The following CMTR1 variants were observed in gnomAD, a reference collection of about 807,000 sequenced individuals.
CMTR1 encodes cap-specific mRNA (nucleoside-2'-O-)-methyltransferase 1.
CMTR1 carries 39 observed loss-of-function variants against 107.0 expected under a neutral mutation model. That is an observed-to-expected ratio of 0.36 (90% CI 0.28 to 0.48). CMTR1 has a LOEUF of 0.48. Among genes scored for constraint, CMTR1 ranks in the 20% least tolerant of loss-of-function variants. The probability of loss-of-function intolerance (pLI) is 0.99; values close to 1 mark genes in which losing one functional copy is unlikely to be tolerated. For synonymous variants in CMTR1, 366 were observed against 379.5 expected, an observed-to-expected ratio of 0.96 and a Z score of 0.41; for missense variants, 672 against 1,064.9, an observed-to-expected ratio of 0.63 and a Z score of 5.14.
chr6:37,473,400 C>A, intron 16 of CMTR1, 70 bp from the exon 17 acceptor site: 1 of 1,547,372 alleles, frequency 6.5e-7, no homozygotes, highest in Non-Finnish European at 8.7e-7. Context: ...AGCCTGCCCC[C>A]AGCCCAGATA....
chr6:37,471,564 C>T (rs903409851), intron 14 of CMTR1, among the ~76,000 whole-genome samples: 1 of 152,096 alleles, frequency 6.6e-6, no homozygotes, highest in Admixed American at 6.5e-5. Flanking sequence ...AAAAGGGTGT[C>T]GGGGAGGACC....
chr6:37,441,436 CAG>C (rs1224297506), intron 2 of CMTR1, among the ~76,000 whole-genome samples: 2 of 150,600 alleles, frequency 1.3e-5, no homozygotes, highest in African/African-American at 4.9e-5. Context: ...TTTTTTGAGA[CAG>C]AGTTTAGCTC....
chr6:37,432,391 A>G (rs1201021527), upstream of CMTR1, among the ~76,000 whole-genome samples: 1 of 152,226 alleles, frequency 6.6e-6, no homozygotes, highest in South Asian at 2.1e-4. Context: ...TGAAGAACGC[A>G]TTAGAGGGAT....
upstream of CMTR1, among the ~76,000 whole-genome samples, chr6:37,432,155 AT>A (rs1771395659): frequency 6.6e-6 from 1 of 152,156 alleles, no homozygotes; most frequent in African/African-American, 2.4e-5. Context: ...AAGAGTCAGC[AT>A]GGGGAGAACT....
rs1277023402 is a variant in CMTR1 at position 37,462,987 on chromosome 6, A to G, written c.1484A>G (p.Tyr495Cys). 3.1e-6 allele frequency: 5 copies of G among 1,614,136 alleles called. No homozygotes were observed. The highest frequency in any genetic ancestry group is 4.2e-6 in the Non-Finnish European group (5 of 1,180,026). The change falls in exon 13 of 24, where the codon TAC becomes TGC. Residue 495 changes from tyrosine to cysteine, a missense_variant. Tyr to Cys is a radical substitution (Grantham distance 194, BLOSUM62 -2). Coordinates refer to ENST00000373451, the MANE Select transcript of CMTR1 (RefSeq NM_015050.3). ...VIKGDHEFTD[Y>C]MIRSNESHCS... ...AAGGGAGACCATGAATTTACTGACT[A>G]CATGATACGGTCCAATGAGAGGTAA... is the stretch of plus-strand genomic sequence containing the variant.
chr6:37,476,099 C>G (rs555377404), intron 19 of CMTR1, 27 bp from the exon 20 acceptor site: 2 of 1,613,350 alleles, frequency 1.2e-6, no homozygotes, highest in Admixed American at 1.7e-5. Flanking sequence ...CTTGGCTTGC[C>G]TCTCAGAGAG....
intron 19 of CMTR1, chr6:37,475,795 C>T: frequency 2.1e-6 from 1 of 476,040 alleles, no homozygotes; most frequent in South Asian, 2.2e-5. Flanking sequence ...CTGTAGTTTC[C>T]ATGCTTTGGG....
chr6:37,464,606 A>T (rs1761467337), intron 13 of CMTR1, among the ~76,000 whole-genome samples: 1 of 151,600 alleles, frequency 6.6e-6, no homozygotes, highest in Admixed American at 6.6e-5. Context: ...TGTGTCTGGG[A>T]TTTTTTCCTC....
rs899389682 is a variant in CMTR1, at chr6:37,477,458, G to C, written c.2106-134G>C. ...TGGCAGGCTTGGTGTCCTCGCTGCC[G>C]GTGGGCTGGGTGGTTTCAGGGAGGG... On this transcript the variant is annotated intron_variant, in intron 20 of 23. Transcript: ENST00000373451. 28 of 759,824 alleles carry C rather than the reference G, an allele frequency of 3.7e-5. 1 individual carries two copies. The South Asian group carries it at 4.0e-4, about 11-fold the overall frequency. 47.1% of individuals were successfully genotyped at this position (759,824 alleles called of 1,614,324 possible).
At chr6:37,434,731 C>G (rs1771484168) in intron 1 of CMTR1, among the ~76,000 whole-genome samples, 1 of 152,058 alleles carries the variant, frequency 6.6e-6, no homozygotes, top group Non-Finnish European at 1.5e-5. Context: ...TCAAGCGGTT[C>G]TCCTGAGTAG....
At chr6:37,451,718 C>G (rs529452672) in intron 5 of CMTR1, 88 bp from the exon 6 acceptor site, 1 of 943,076 alleles carries the variant, frequency 1.1e-6, no homozygotes, top group South Asian at 1.4e-5. Context: ...CCTTCTTGCT[C>G]TACTTACTTG....
chr6:37,452,005 T>G, intron 6 of CMTR1, 128 bp downstream of exon 6: 1 of 692,480 alleles, frequency 1.4e-6, no homozygotes, highest in Non-Finnish European at 2.5e-6. Context: ...ATCAGATGCA[T>G]AGCTTGGTTC....
Position 37,473,504 on chromosome 6 carries a change from C to T in CMTR1, c.1724C>T (p.Thr575Ile), listed in dbSNP as rs1761670178. The change falls in exon 17 of 24, where the codon ACA becomes ATA. Residue 575 changes from threonine to isoleucine, a missense_variant. Transcript: ENST00000373451. Reference protein sequence around the residue: ...TEIDIFSYKPTLLTSKTLEKI... With the variant: ...TEIDIFSYKPILLTSKTLEKI... ...ATTGACATCTTCAGCTACAAGCCCA[C>T]ACTGCTCACCTCTAAAACCCTGGAG... 6.2e-7 allele frequency: 1 copy of T among 1,613,992 alleles called. No homozygotes were observed. The highest frequency in any genetic ancestry group is 1.3e-5 in the African/African-American group (1 of 74,920).
intron 13 of CMTR1, among the ~76,000 whole-genome samples, chr6:37,468,408 C>A (rs1561790902): frequency 6.6e-6 from 1 of 152,126 alleles, no homozygotes; most frequent in South Asian, 2.1e-4. Flanking sequence ...ACATATATAT[C>A]TAATTTTTTT....
upstream of CMTR1, among the ~76,000 whole-genome samples, chr6:37,430,283 T>C (rs2113856523): frequency 6.6e-6 from 1 of 152,320 alleles, no homozygotes; most frequent in East Asian, 1.9e-4. Context: ...ATGCATTCTG[T>C]CTAAGGTTTT....
Position 37,450,395 on chromosome 6 carries a change from C to T in CMTR1, c.537+52C>T, listed in dbSNP as rs751996022. On this transcript the variant is annotated intron_variant, in intron 5 of 23. Coordinates refer to ENST00000373451, the MANE Select transcript of CMTR1 (RefSeq NM_015050.3). The stretch of plus-strand genomic sequence containing the variant: ...ACTTCTTGGCATTCTCTTGACTTTT[C>T]ACTTGCTCGAGTCTGGTATTTACAT... 3.9e-5 allele frequency: 54 copies of T among 1,370,902 alleles called. 1 individual carries two copies. In the South Asian group the frequency reaches 5.2e-4, roughly 13 times the overall value. 84.9% of individuals were successfully genotyped at this position (1,370,902 alleles called of 1,614,324 possible). A position where few individuals can be genotyped will look rare whatever the true frequency, so the allele number is the denominator to read the frequency against.
At chr6:37,446,741 C>T (rs1033324620) in intron 4 of CMTR1, among the ~76,000 whole-genome samples, 3 of 152,210 alleles carry the variant, frequency 2.0e-5, no homozygotes. Context: ...AGTTACAGCT[C>T]TCCACTAGTG....
chr6:37,460,372 G>C (rs1280675268), intron 10 of CMTR1, among the ~76,000 whole-genome samples: 1 of 152,224 alleles, frequency 6.6e-6, no homozygotes, highest in Non-Finnish European at 1.5e-5. Flanking sequence ...ACAGATGACA[G>C]GCTTGGGGCT....
At chr6:37,470,594 C>T (rs566334167) in intron 13 of CMTR1, among the ~76,000 whole-genome samples, 2 of 152,172 alleles carry the variant, frequency 1.3e-5, no homozygotes, top group Non-Finnish European at 1.5e-5. Flanking sequence ...TTTCTTGCTT[C>T]ATCGTATGCC....
Sources: gnomAD v4.1 joint callset for allele counts (sites outside exome capture counted in the v4.1 genomes callset) on GRCh38, gnomAD v4.1.1 for gene constraint, MANE v1.5 for transcripts, NCBI Gene and HGNC (gene_info 2026-07-23, HGNC 2026-07-21) for gene names.